Variants in ZNF366 observed in about 807,000 individuals in gnomAD.
ZNF366 encodes dendritic cell-specific transcript protein.
Under a neutral mutation model 47.2 loss-of-function variants are expected in ZNF366, and 20 were observed. The observed-to-expected ratio is 0.42, with a 90% CI of 0.30 to 0.62. The LOEUF (loss-of-function observed/expected upper bound fraction) is 0.62. Ranked by LOEUF, ZNF366 falls within the 20% of genes least tolerant of loss-of-function variation. ZNF366 has a pLI of 0.16. For synonymous variants in ZNF366, 421 were observed against 395.1 expected, an observed-to-expected ratio of 1.07 and a Z score of -0.78; for missense variants, 987 against 976.3, an observed-to-expected ratio of 1.01 and a Z score of -0.15.
At chr5:72,503,846 C>G (rs1240158947) in intron 1 of ZNF366, among the ~76,000 whole-genome samples, 2 of 152,190 alleles carry the variant, frequency 1.3e-5, no homozygotes, top group African/African-American at 4.8e-5. Context: ...ACAAAAGGAC[C>G]TGAATGGCTT....
chr5:72,495,286 T>C (rs1188966681), intron 1 of ZNF366, among the ~76,000 whole-genome samples: 1 of 152,156 alleles, frequency 6.6e-6, no homozygotes, highest in East Asian at 1.9e-4. Context: ...AATCGTTTAT[T>C]GAATATTACT....
Position 72,471,963 on chromosome 5 carries a change from C to T in ZNF366, c.-14-10453G>A, listed in dbSNP as rs372370910. ...AGCCTCTGCCTAAGGTCTTTGGATG[C>T]TCCTGTCAGACTTCACCCAGGCTTT... On this transcript the variant is annotated intron_variant, in intron 1 of 4. Coordinates refer to ENST00000318442, the MANE Select transcript of ZNF366 (RefSeq NM_152625.3). 5.3e-5 allele frequency among the ~76,000 whole-genome samples: 8 copies of T among 152,302 alleles called. No homozygotes were observed. In the East Asian group the frequency reaches 1.3e-3, roughly 26 times the overall value.
At chr5:72,450,403 G>A (rs1743042613) in intron 3 of ZNF366, among the ~76,000 whole-genome samples, 2 of 152,144 alleles carry the variant, frequency 1.3e-5, no homozygotes, top group Admixed American at 6.5e-5. Flanking sequence ...GCATCCCAGG[G>A]AGTCTCCAAT....
chr5:72,449,275 T>A (rs558085189), intron 3 of ZNF366, among the ~76,000 whole-genome samples: 1 of 149,802 alleles, frequency 6.7e-6, no homozygotes, highest in Non-Finnish European at 1.5e-5. Flanking sequence ...AGATGGAGTC[T>A]CGCTCTGTTG....
chr5:72,476,283 T>C (rs4703910), intron 1 of ZNF366, among the ~76,000 whole-genome samples: 32,982 of 152,016 alleles, frequency 0.22, 3,687 homozygotes, highest in East Asian at 0.4. Context: ...AGGCTCTTTC[T>C]TAGACCAAAA....
intron 1 of ZNF366, among the ~76,000 whole-genome samples, chr5:72,497,919 GTT>G (rs1434262942): frequency 2.6e-5 from 4 of 152,170 alleles, no homozygotes; most frequent in Non-Finnish European, 5.9e-5. Context: ...TGAAGTATGT[GTT>G]TCATGTCATT....
intron 1 of ZNF366, chr5:72,493,787 C>G (rs1467168095): frequency 2.0e-5 from 3 of 152,100 alleles, no homozygotes; most frequent in African/African-American, 7.2e-5. Flanking sequence ...CGGAGTCTTG[C>G]TCTGTTGCCC....
At position 72,499,479 on chromosome 5, in the gene ZNF366, CTTTT is replaced by C. The variant is rs894702691; in HGVS notation, c.-15+7768_-15+7771del. Among the ~76,000 whole-genome samples the C allele has an allele frequency of 5.7e-3, 641 of 112,154 alleles. 1 individual carries two copies. Among genetic ancestry groups the C allele is most frequent in the African/African-American group, 0.018 (506 of 28,044 alleles). 73.6% of individuals were successfully genotyped at this position (112,154 alleles called of 152,430 possible). ...AATTCTAGCACTTCAGGAATCCTGCCTTTTTTTTTTTTTTTTTTTTTTTGAGACG... is the reference window on the plus strand; with the variant it reads ...AATTCTAGCACTTCAGGAATCCTGCCTTTTTTTTTTTTTTTTTTTGAGACG... On this transcript the variant is annotated intron_variant, in intron 1 of 4. Transcript: ENST00000318442.
At chr5:72,502,358 G>A (rs1056572512) in intron 1 of ZNF366, among the ~76,000 whole-genome samples, 2 of 152,132 alleles carry the variant, frequency 1.3e-5, no homozygotes, top group Non-Finnish European at 2.9e-5. Flanking sequence ...GCCTTCATTA[G>A]GCTAGTTGTT....
In ZNF366 at chr5:72,491,279, G is replaced by A. The variant is rs369297256; in HGVS notation, c.-15+15972C>T. ...TGTTATCTGACAACTTTGGGAACCT[G>A]GCACACAGTTTTGTCCACTCTAAGC... On this transcript the variant is annotated intron_variant, in intron 1 of 4. Transcript: ENST00000318442. 2.6e-5 allele frequency among the ~76,000 whole-genome samples: 4 copies of A among 152,308 alleles called. 1 individual carries two copies. The highest frequency in any genetic ancestry group is 1.9e-4 in the East Asian group (1 of 5,190).
chr5:72,472,003 A>G (rs1230351386), intron 1 of ZNF366, among the ~76,000 whole-genome samples: 1 of 152,182 alleles, frequency 6.6e-6, no homozygotes. Context: ...TTGGGCATAC[A>G]GTTTTATGAC....
At chr5:72,484,652 G>A (rs1460926650) in intron 1 of ZNF366, among the ~76,000 whole-genome samples, 37 of 152,062 alleles carry the variant, frequency 2.4e-4, no homozygotes, top group Admixed American at 2.4e-3. Flanking sequence ...AGATATCATA[G>A]AGGTGTTAAG....
At chr5:72,489,651 A>C (rs1264178172) in intron 1 of ZNF366, among the ~76,000 whole-genome samples, 5 of 152,232 alleles carry the variant, frequency 3.3e-5, no homozygotes, top group African/African-American at 1.2e-4. Flanking sequence ...AGTTGTTTTC[A>C]ATTTGAGAAG....
intron 2 of ZNF366, among the ~76,000 whole-genome samples, chr5:72,457,934 TCAAA>T (rs1268292712): frequency 1.3e-5 from 2 of 152,106 alleles, no homozygotes; most frequent in Non-Finnish European, 2.9e-5. Flanking sequence ...TAGTGCATAT[TCAAA>T]CACTGAGTTT....
intron 1 of ZNF366, among the ~76,000 whole-genome samples, chr5:72,487,174 T>A (rs1325451190): frequency 2.0e-5 from 3 of 152,244 alleles, no homozygotes; most frequent in African/African-American, 7.2e-5. Flanking sequence ...GCATATATAA[T>A]GCTACCGGAG....
At chr5:72,481,005 C>T (rs183135340) in intron 1 of ZNF366, among the ~76,000 whole-genome samples, 39 of 152,062 alleles carry the variant, frequency 2.6e-4, no homozygotes, top group Admixed American at 7.2e-4. Context: ...AGAAAGAGTG[C>T]GGGAAATATT....
At chr5:72,470,658 A>G (rs1375905900) in intron 1 of ZNF366, among the ~76,000 whole-genome samples, 1 of 152,220 alleles carries the variant, frequency 6.6e-6, no homozygotes, top group Non-Finnish European at 1.5e-5. Flanking sequence ...CTTGACAAAT[A>G]ACCGTGTCCT....
chr5:72,443,999 C>G lies in ZNF366; in HGVS notation c.1992G>C (p.Lys664Asn). 2 of 1,614,192 alleles carry G rather than the reference C, an allele frequency of 1.2e-6. No homozygotes were observed. Among genetic ancestry groups the G allele is most frequent in the Non-Finnish European group, 8.5e-7 (1 of 1,180,028 alleles). ...CCTTGGATGCATCCTCCTTCTCCTCCTTGCAGGCTTCCTCCAGCACCTCGG... is the reference window on the plus strand; with the variant it reads ...CCTTGGATGCATCCTCCTTCTCCTCGTTGCAGGCTTCCTCCAGCACCTCGG... ...HAPEVLEEAC[K>N]EEKEDASKGE... Residue 664 changes from lysine (K) to asparagine (N), a missense_variant, in exon 5 of 5, where the codon AAG (lysine) becomes AAC (asparagine). Physicochemically the swap from Lys to Asn is moderately conservative, Grantham distance 94 (BLOSUM62 0). Coordinates refer to ENST00000318442, the MANE Select transcript of ZNF366 (RefSeq NM_152625.3).
At chr5:72,500,074 G>A (rs539924778) in intron 1 of ZNF366, among the ~76,000 whole-genome samples, 1 of 152,332 alleles carries the variant, frequency 6.6e-6, no homozygotes, top group Non-Finnish European at 1.5e-5. Context: ...TGGGAAGAGG[G>A]AGGCGTGTGG....
Sources: gnomAD v4.1 joint callset for allele counts (sites outside exome capture counted in the v4.1 genomes callset) on GRCh38, gnomAD v4.1.1 for gene constraint, MANE v1.5 for transcripts, NCBI Gene and HGNC (gene_info 2026-07-23, HGNC 2026-07-21) for gene names.